Variants in ELP4 observed in about 807,000 individuals in gnomAD.
ELP4 encodes the protein elongator complex protein 4.
ELP4 carries 51 observed loss-of-function variants against 48.9 expected under a neutral mutation model. The observed-to-expected ratio is 1.04, with a 90% CI of 0.83 to 1.32. ELP4 has a LOEUF of 1.32. Among genes scored for constraint, ELP4 ranks in the 40% most tolerant of loss-of-function variants. The probability of loss-of-function intolerance (pLI) is 0.00; values close to 1 mark genes in which losing one functional copy is unlikely to be tolerated. For synonymous variants in ELP4, 210 were observed against 189.2 expected (o/e 1.11, Z -0.90); for missense variants, 519 against 514.6 (o/e 1.01, Z -0.08).
At chr11:31,737,524 A>T (rs1947346851) in intron 9 of ELP4, among the ~76,000 whole-genome samples, 2 of 152,106 alleles carry the variant, frequency 1.3e-5, no homozygotes, top group Non-Finnish European at 2.9e-5. Context: ...CAAAGGAAGC[A>T]ATTAAGGTGG....
intron 3 of ELP4, among the ~76,000 whole-genome samples, chr11:31,586,404 G>A (rs1273247526): frequency 2.0e-5 from 3 of 152,132 alleles, no homozygotes; most frequent in Non-Finnish European, 1.5e-5. Context: ...TAAAGCAATG[G>A]ATACACGTAT....
intron 9 of ELP4, among the ~76,000 whole-genome samples, chr11:31,759,478 T>G (rs779546579): frequency 3.3e-5 from 5 of 152,142 alleles, no homozygotes; most frequent in African/African-American, 4.8e-5. Flanking sequence ...TAAAGGGAGA[T>G]TTGTCCTAAA....
chr11:31,766,467 G>T (rs1948043652), intron 9 of ELP4, among the ~76,000 whole-genome samples: 1 of 151,878 alleles, frequency 6.6e-6, no homozygotes, highest in African/African-American at 2.4e-5. Context: ...AAATGGTTTT[G>T]GCTAGTTTAG....
At chr11:31,547,859 C>T (rs569105825) in intron 3 of ELP4, among the ~76,000 whole-genome samples, 14 of 151,880 alleles carry the variant, frequency 9.2e-5, no homozygotes, top group Non-Finnish European at 1.5e-4. Flanking sequence ...TGTAATCCAG[C>T]ATATAAACAG....
chr11:31,747,259 A>T (rs886347653), intron 9 of ELP4, among the ~76,000 whole-genome samples: 4 of 152,206 alleles, frequency 2.6e-5, no homozygotes, highest in African/African-American at 9.7e-5. Context: ...AGTTAATATG[A>T]CATTAGAGAG....
In ELP4 at chr11:31,603,771, G is replaced by A. The variant is rs749033348; in HGVS notation, c.517G>A (p.Gly173Arg). The change falls in exon 5 of 10, where the codon GGA (glycine) becomes AGA (arginine). Residue 173 changes from glycine to arginine, a missense_variant. Gly to Arg is a moderately radical substitution (Grantham distance 125). Coordinates refer to ENST00000640961, the MANE Select transcript of ELP4 (RefSeq NM_019040.5). ...RYQLLPKMEIGPVSSSRFGHY... is the reference protein window; with the variant it reads ...RYQLLPKMEIRPVSSSRFGHY... ...ACTATGGGGTTTATTTTAGCAGATT[G>A]GACCAGTATCATCTTCAAGATTTGG... 48 of 1,608,508 alleles carry A rather than the reference G, an allele frequency of 3.0e-5. No individual in the cohort carries two copies. Among genetic ancestry groups the A allele is most frequent in the Non-Finnish European group, 4.0e-5 (47 of 1,176,782 alleles).
intron 9 of ELP4, among the ~76,000 whole-genome samples, chr11:31,671,759 G>C (rs1945812386): frequency 6.6e-6 from 1 of 152,162 alleles, no homozygotes; most frequent in Admixed American, 6.5e-5. Flanking sequence ...TCCCTGGTGA[G>C]TAAAGACTGC....
chr11:31,584,027 T>C (rs914746826), intron 3 of ELP4, among the ~76,000 whole-genome samples: 1 of 152,184 alleles, frequency 6.6e-6, no homozygotes, highest in Non-Finnish European at 1.5e-5. Flanking sequence ...AATGCTGATA[T>C]GTTTTTATAA....
intron 5 of ELP4, among the ~76,000 whole-genome samples, chr11:31,607,101 A>G (rs1233219042): frequency 6.6e-6 from 1 of 152,198 alleles, no homozygotes; most frequent in Non-Finnish European, 1.5e-5. Flanking sequence ...ATGTGAGCAC[A>G]CAGCAAGAAG....
At chr11:31,547,289 A>G (rs1956747208) in intron 3 of ELP4, among the ~76,000 whole-genome samples, 1 of 152,132 alleles carries the variant, frequency 6.6e-6, no homozygotes, top group Non-Finnish European at 1.5e-5. Context: ...CGCAATAAAA[A>G]ATGATAAAGG....
intron 9 of ELP4, among the ~76,000 whole-genome samples, chr11:31,671,678 G>A (rs10835802): frequency 0.36 from 55,457 of 152,012 alleles, 12,143 homozygotes; most frequent in East Asian, 0.63. Flanking sequence ...TGAGTATTTA[G>A]ATGGCAGACC....
chr11:31,538,687 C>G (rs1432458932), intron 2 of ELP4, among the ~76,000 whole-genome samples: 2 of 151,552 alleles, frequency 1.3e-5, no homozygotes, highest in East Asian at 3.9e-4. Context: ...TTAATTATAT[C>G]TAATATAAAT....
chr11:31,696,972 C>T (rs1366341584), intron 9 of ELP4, among the ~76,000 whole-genome samples: 2 of 151,896 alleles, frequency 1.3e-5, no homozygotes, highest in African/African-American at 4.8e-5. Context: ...GAAGATCTAC[C>T]AAGCAAATGG....
chr11:31,789,674 C>A lies in ELP4; in HGVS notation c.*6150C>A. 1 of 701,466 alleles carries A rather than the reference C, an allele frequency of 1.4e-6. No homozygotes were observed. The highest frequency in any genetic ancestry group is 2.3e-4 in the Middle Eastern group (1 of 4,350). The allele number at this position is 701,466 out of a possible 1,614,324, so 43.5% of individuals were successfully genotyped here. ...ATTATAACATACAAATGCCCATTTA[C>A]AAATAATACACCAAAATGAATAAAA... is the stretch of plus-strand genomic sequence containing the variant. On this transcript the variant is annotated 3_prime_UTR_variant, in exon 10 of 10. Transcript: ENST00000640961.
At chr11:31,539,608 C>T in intron 2 of ELP4, 54 bp from the exon 3 acceptor site, 2 of 1,527,098 alleles carry the variant, frequency 1.3e-6, no homozygotes, top group Non-Finnish European at 1.8e-6. Context: ...GTTTGATAGC[C>T]ATTTGATTCT....
At chr11:31,643,347 G>T (rs12363388) in intron 7 of ELP4, among the ~76,000 whole-genome samples, 91,961 of 151,540 alleles carry the variant, frequency 0.61, 31,654 homozygotes, top group Non-Finnish European at 0.76. Context: ...TACTTGAGGC[G>T]TTGCATAAAT....
intron 9 of ELP4, among the ~76,000 whole-genome samples, chr11:31,718,255 A>G (rs1208146485): frequency 6.6e-6 from 1 of 152,232 alleles, no homozygotes; most frequent in Non-Finnish European, 1.5e-5. Context: ...AGACCTTAAT[A>G]TTAACCATCT....
At chr11:31,597,797 C>T (rs947827333) in intron 4 of ELP4, among the ~76,000 whole-genome samples, 1 of 151,974 alleles carries the variant, frequency 6.6e-6, no homozygotes, top group Non-Finnish European at 1.5e-5. Flanking sequence ...GAACTCCTGA[C>T]CTCAGGTGAT....
chr11:31,679,038 AT>A (rs1407936611), intron 9 of ELP4, among the ~76,000 whole-genome samples: 1 of 152,144 alleles, frequency 6.6e-6, no homozygotes, highest in Non-Finnish European at 1.5e-5. Flanking sequence ...TTCTTTTTAT[AT>A]GTTTTTTTGC....
Sources: allele counts gnomAD v4.1 joint callset (sites outside exome capture counted in the v4.1 genomes callset), GRCh38; gene constraint gnomAD v4.1.1; transcripts MANE v1.5; gene names NCBI Gene and HGNC (gene_info 2026-07-23, HGNC 2026-07-21).